Variants in SPNS2 observed in about 807,000 individuals in gnomAD.
SPNS2 encodes sphingosine-1-phosphate transporter SPNS2.
In SPNS2, 37 loss-of-function variants were observed where a neutral mutation model predicts 57.6. The ratio of observed to expected loss-of-function variants is 0.64; its 90% CI spans 0.49 to 0.85. The LOEUF is 0.85. Ranked by LOEUF, SPNS2 falls within the 40% of genes least tolerant of loss-of-function variation. The pLI is 0.00. For synonymous variants in SPNS2, 440 were observed against 346.9 expected (o/e 1.27, Z -2.98); for missense variants, 831 against 779.1 (o/e 1.07, Z -0.79).
Position 4,538,863 on chromosome 17 carries a change from C to A in SPNS2, c.*1415C>A. 1 of 780,700 alleles carries A rather than the reference C, an allele frequency of 1.3e-6. No individual in the cohort carries two copies. The highest frequency in any genetic ancestry group is 2.4e-5 in the East Asian group (1 of 41,228). 48.4% of individuals were successfully genotyped at this position (780,700 alleles called of 1,614,324 possible). ...CCCCCACTCCAGCCTCAGCGGGGCCCCAGCGATGTTTTCTTGTTGTACAAG... is the reference window on the plus strand; with the variant it reads ...CCCCCACTCCAGCCTCAGCGGGGCCACAGCGATGTTTTCTTGTTGTACAAG... On this transcript the variant is annotated 3_prime_UTR_variant, in exon 13 of 13. Transcript: ENST00000329078.
chr17:4,527,890 A>G (rs1905302354), intron 3 of SPNS2, among the ~76,000 whole-genome samples: 1 of 151,458 alleles, frequency 6.6e-6, no homozygotes, highest in Admixed American at 6.6e-5. Context: ...CTTGGGGTAT[A>G]CACCCAAGAG....
chr17:4,505,051 T>C (rs1904637005), intron 1 of SPNS2, among the ~76,000 whole-genome samples: 1 of 152,194 alleles, frequency 6.6e-6, no homozygotes, highest in Non-Finnish European at 1.5e-5. Flanking sequence ...CTCAGCGGTG[T>C]CCTCTTTCCA....
chr17:4,538,702 G>A lies in SPNS2; in HGVS notation c.*1254G>A, dbSNP rs1440090029. ...AGCCAGCTTGGACAATGCTCTTCTT[G>A]CCCCTTAGTTACTGGCTGGCTGTGG... On this transcript the variant is annotated 3_prime_UTR_variant, in exon 13 of 13. Coordinates refer to ENST00000329078, the MANE Select transcript of SPNS2 (RefSeq NM_001124758.3). 3.3e-6 allele frequency: 2 copies of A among 607,904 alleles called. No homozygotes were observed. Among genetic ancestry groups the A allele is most frequent in the South Asian group, 3.7e-5 (2 of 53,834 alleles). The allele number at this position is 607,904 out of a possible 1,614,324, so 37.7% of individuals were successfully genotyped here.
At chr17:4,530,882 G>C in intron 4 of SPNS2, 99 bp downstream of exon 4, 1 of 1,506,060 alleles carries the variant, frequency 6.6e-7, no homozygotes. Context: ...CCAGGCAGGC[G>C]TCCTCAGAGA....
At chr17:4,519,448 C>T (rs1037976628) in intron 2 of SPNS2, among the ~76,000 whole-genome samples, 4 of 152,142 alleles carry the variant, frequency 2.6e-5, no homozygotes, top group African/African-American at 9.6e-5. Flanking sequence ...TTCTGACGGC[C>T]TCCTGCCAGC....
chr17:4,536,873 C>G (rs749169898), intron 11 of SPNS2, 27 bp from the exon 12 acceptor site: 2 of 1,611,768 alleles, frequency 1.2e-6, no homozygotes, highest in Non-Finnish European at 1.7e-6. Context: ...GATGCACCAC[C>G]CTGACCCCCG....
chr17:4,535,413 A>G (rs1567597142), intron 9 of SPNS2, among the ~76,000 whole-genome samples: 1 of 152,134 alleles, frequency 6.6e-6, no homozygotes, highest in Non-Finnish European at 1.5e-5. Context: ...CTTTAGCTTG[A>G]TGGGAGGTGA....
At chr17:4,525,869 T>A (rs1905252064) in intron 3 of SPNS2, among the ~76,000 whole-genome samples, 2 of 152,164 alleles carry the variant, frequency 1.3e-5, no homozygotes, top group South Asian at 4.1e-4. Context: ...GCTCAGCCAG[T>A]CATTGTTTCT....
At position 4,536,950 on chromosome 17, in the gene SPNS2, A is replaced by C; in HGVS notation, c.*4+4A>C. 1 of 1,612,900 alleles carries C rather than the reference A, an allele frequency of 6.2e-7. No homozygotes were observed. Among genetic ancestry groups the C allele is most frequent in the Non-Finnish European group, 8.5e-7 (1 of 1,179,432 alleles). ...GCATCTGTGAAAGTCTGAGGTGGTGAGTGCAGGCCGGGAGGCACGTGGGGG... is the reference window on the plus strand; with the variant it reads ...GCATCTGTGAAAGTCTGAGGTGGTGCGTGCAGGCCGGGAGGCACGTGGGGG... On this transcript the variant is annotated splice_donor_region_variant and intron_variant, in intron 12 of 12. Transcript: ENST00000329078.
At chr17:4,533,891 C>T (rs1444984967) in intron 9 of SPNS2, 38 bp downstream of exon 9, 3 of 1,602,042 alleles carry the variant, frequency 1.9e-6, no homozygotes, top group South Asian at 2.2e-5. Context: ...GTGCTGCTGA[C>T]CCAGGCCTCT....
At chr17:4,520,671 C>T (rs1320967811) in intron 2 of SPNS2, among the ~76,000 whole-genome samples, 1 of 152,144 alleles carries the variant, frequency 6.6e-6, no homozygotes, top group Non-Finnish European at 1.5e-5. Context: ...CTTTCCCTGA[C>T]CTTGGGAACA....
intron 1 of SPNS2, among the ~76,000 whole-genome samples, chr17:4,507,904 C>T (rs1209261022): frequency 6.6e-6 from 1 of 152,242 alleles, no homozygotes; most frequent in Admixed American, 6.5e-5. Flanking sequence ...TCCTCTTACA[C>T]CTTGGCCTTT....
chr17:4,535,669 C>A (rs1338232638), intron 9 of SPNS2, among the ~76,000 whole-genome samples: 1 of 152,176 alleles, frequency 6.6e-6, no homozygotes, highest in Non-Finnish European at 1.5e-5. Context: ...AAGTATCATT[C>A]CTTAACTGCA....
chr17:4,536,265 C>T lies in SPNS2; in HGVS notation c.1446C>T (p.Ile482=). The change falls in exon 11 of 13, where the codon ATC becomes ATT. Residue 482 remains isoleucine, a splice_region_variant and synonymous_variant. Transcript: ENST00000329078. ...CATCCACCCCCAAATCCTCGCAGATCTCAGACCTGATCCGCCAGAGCACTA... is the reference window on the plus strand; with the variant it reads ...CATCCACCCCCAAATCCTCGCAGATTTCAGACCTGATCCGCCAGAGCACTA... The part of the protein sequence containing the change: ...DAGSPYLIGF[I]SDLIRQSTKD... 6.2e-7 allele frequency: 1 copy of T among 1,612,178 alleles called. No homozygotes were observed. The highest frequency in any genetic ancestry group is 1.7e-4 in the Middle Eastern group (1 of 6,056).
chr17:4,536,768 C>A (rs1010358068), intron 11 of SPNS2, 132 bp from the exon 12 acceptor site: 1 of 752,102 alleles, frequency 1.3e-6, no homozygotes, highest in Non-Finnish European at 2.3e-6. Flanking sequence ...TCTCCCATCT[C>A]CCCCTGGGGC....
chr17:4,500,827 C>G (rs1325998786), intron 1 of SPNS2, among the ~76,000 whole-genome samples: 1 of 151,944 alleles, frequency 6.6e-6, no homozygotes, highest in African/African-American at 2.4e-5. Context: ...TTCAACCCCC[C>G]TTGGCTCTCT....
intron 1 of SPNS2, among the ~76,000 whole-genome samples, chr17:4,507,498 C>T (rs898043869): frequency 6.6e-6 from 1 of 152,248 alleles, no homozygotes; most frequent in Non-Finnish European, 1.5e-5. Flanking sequence ...GATTAACCTA[C>T]TTAAACCTCA....
chr17:4,527,485 C>G (rs1254206965), intron 3 of SPNS2, among the ~76,000 whole-genome samples: 2 of 152,114 alleles, frequency 1.3e-5, no homozygotes, highest in Admixed American at 6.5e-5. Context: ...GAATAAAGTC[C>G]CGATAGGGGA....
chr17:4,528,928 A>T (rs1029027842), intron 3 of SPNS2, among the ~76,000 whole-genome samples: 2 of 150,216 alleles, frequency 1.3e-5, no homozygotes, highest in African/African-American at 4.9e-5. Context: ...TGATCCCGCT[A>T]ATTTTTATCT....
Sources: allele counts gnomAD v4.1 joint callset (sites outside exome capture counted in the v4.1 genomes callset), GRCh38; gene constraint gnomAD v4.1.1; transcripts MANE v1.5; gene names NCBI Gene and HGNC (gene_info 2026-07-23, HGNC 2026-07-21).